Variants in GRID2 observed in about 807,000 individuals in gnomAD.
The protein encoded by GRID2 is glutamate ionotropic receptor delta type subunit 2, also known as glutamate receptor ionotropic, delta-2.
In GRID2, 33 loss-of-function variants were observed where a neutral mutation model predicts 114.8. That is an observed-to-expected ratio of 0.29 (90% CI 0.22 to 0.38). The LOEUF (loss-of-function observed/expected upper bound fraction) is 0.38, where lower values mean the gene tolerates loss of function less well. GRID2 is among the 10% of genes least tolerant of loss of function. The pLI is 1.00. For missense variants in GRID2, 1,184 were observed against 1,257.7 expected (o/e 0.94, Z 0.89); for synonymous variants, 505 against 449.9 (o/e 1.12, Z -1.55).
intron 2 of GRID2, among the ~76,000 whole-genome samples, chr4:92,918,756 T>G (rs576778739): frequency 6.6e-6 from 1 of 152,328 alleles, no homozygotes; most frequent in South Asian, 2.1e-4. Context: ...GGTTTGCCAG[T>G]ATTTTATTGA....
At chr4:92,655,252 T>C (rs191331795) in intron 2 of GRID2, among the ~76,000 whole-genome samples, 15 of 151,984 alleles carry the variant, frequency 9.9e-5, no homozygotes, top group Non-Finnish European at 2.1e-4. Flanking sequence ...TGTCAAACTT[T>C]ATACCAATAT....
chr4:92,602,732 G>A (rs187763881), intron 2 of GRID2, among the ~76,000 whole-genome samples: 1 of 152,126 alleles, frequency 6.6e-6, no homozygotes, highest in South Asian at 2.1e-4. Flanking sequence ...AGAAATAAAG[G>A]TTATTCAAAT....
At chr4:93,595,276 A>T (rs1026528766) in intron 13 of GRID2, among the ~76,000 whole-genome samples, 1 of 152,220 alleles carries the variant, frequency 6.6e-6, no homozygotes, top group Admixed American at 6.5e-5. Flanking sequence ...TATCGTGGGT[A>T]CATTGAGATT....
At chr4:92,918,277 T>C (rs1015387859) in intron 2 of GRID2, among the ~76,000 whole-genome samples, 4 of 152,200 alleles carry the variant, frequency 2.6e-5, no homozygotes, top group African/African-American at 9.6e-5. Context: ...TTTCTAGATA[T>C]ACAATCATGT....
intron 4 of GRID2, among the ~76,000 whole-genome samples, chr4:93,122,697 G>A (rs1399383569): frequency 6.6e-6 from 1 of 151,604 alleles, no homozygotes; most frequent in Non-Finnish European, 1.5e-5. Flanking sequence ...GCATGGAATT[G>A]TAAGAAAAAA....
chr4:93,080,851 T>A (rs1199043032), intron 2 of GRID2, among the ~76,000 whole-genome samples: 1 of 152,160 alleles, frequency 6.6e-6, no homozygotes, highest in Non-Finnish European at 1.5e-5. Flanking sequence ...GGCTGGGAAG[T>A]CAAGATCAAT....
intron 2 of GRID2, among the ~76,000 whole-genome samples, chr4:93,031,070 T>C (rs934947710): frequency 1.3e-4 from 18 of 143,782 alleles, no homozygotes; most frequent in Non-Finnish European, 2.4e-4. Flanking sequence ...GGAGTCTCGC[T>C]CTGTCGCCCA....
chr4:93,210,434 C>T (rs1394859615), intron 5 of GRID2, among the ~76,000 whole-genome samples: 1 of 152,026 alleles, frequency 6.6e-6, no homozygotes, highest in Non-Finnish European at 1.5e-5. Flanking sequence ...ATCTGTTCTG[C>T]TGCATTCATC....
intron 4 of GRID2, among the ~76,000 whole-genome samples, chr4:93,161,035 G>A (rs1737644369): frequency 6.6e-6 from 1 of 151,768 alleles, no homozygotes; most frequent in Non-Finnish European, 1.5e-5. Flanking sequence ...TCCATGTCAG[G>A]GCAGGTGAAG....
At chr4:92,872,745 G>C (rs1343433493) in intron 2 of GRID2, among the ~76,000 whole-genome samples, 2 of 152,178 alleles carry the variant, frequency 1.3e-5, no homozygotes, top group Non-Finnish European at 2.9e-5. Context: ...TGCTGGCACA[G>C]CTCAGTGACC....
At chr4:92,704,724 TC>T (rs1159713991) in intron 2 of GRID2, among the ~76,000 whole-genome samples, 2 of 105,792 alleles carry the variant, frequency 1.9e-5, no homozygotes. Context: ...TCTCTCTCTT[TC>T]TCTCTCTCTC....
chr4:92,413,101 A>G (rs1232558348), intron 1 of GRID2, among the ~76,000 whole-genome samples: 1 of 152,192 alleles, frequency 6.6e-6, no homozygotes, highest in Non-Finnish European at 1.5e-5. Context: ...TTACATGGAT[A>G]TATTGCATAG....
chr4:93,522,248 C>T (rs548793751), intron 13 of GRID2, among the ~76,000 whole-genome samples: 1 of 152,056 alleles, frequency 6.6e-6, no homozygotes, highest in Admixed American at 6.6e-5. Context: ...AAAGTCATCA[C>T]CAAAGTGTAA....
At chr4:93,474,787 T>C (rs764556064) in intron 11 of GRID2, among the ~76,000 whole-genome samples, 1 of 152,130 alleles carries the variant, frequency 6.6e-6, no homozygotes, top group Non-Finnish European at 1.5e-5. Flanking sequence ...TCTATGATAT[T>C]CACCTTGGGT....
intron 6 of GRID2, chr4:93,217,412 A>G (rs1302523455): frequency 6.6e-6 from 1 of 152,594 alleles, no homozygotes; most frequent in African/African-American, 2.4e-5. Flanking sequence ...TTCAGCATCC[A>G]GAATACAACA....
chr4:92,339,940 G>T (rs763167586), intron 1 of GRID2, among the ~76,000 whole-genome samples: 1 of 152,114 alleles, frequency 6.6e-6, no homozygotes, highest in East Asian at 1.9e-4. Flanking sequence ...TTAGGCTCAT[G>T]TTGAAAACAC....
At chr4:92,752,474 C>A (rs1177326342) in intron 2 of GRID2, among the ~76,000 whole-genome samples, 1 of 151,908 alleles carries the variant, frequency 6.6e-6, no homozygotes, top group African/African-American at 2.4e-5. Flanking sequence ...TAAGAGTGTA[C>A]AAAAGTCAAA....
intron 11 of GRID2, among the ~76,000 whole-genome samples, chr4:93,476,579 G>A (rs185383585): frequency 6.6e-5 from 10 of 152,206 alleles, no homozygotes; most frequent in Non-Finnish European, 2.9e-5. Flanking sequence ...AACCAGGAAA[G>A]AAAGAATGAG....
At chr4:92,744,906 AGC>A (rs2149334094) in intron 2 of GRID2, among the ~76,000 whole-genome samples, 1 of 152,270 alleles carries the variant, frequency 6.6e-6, no homozygotes, top group African/African-American at 2.4e-5. Context: ...AGTGCTTTGT[AGC>A]AAAGGGAAGG....
Sources: allele counts gnomAD v4.1 joint callset (sites outside exome capture counted in the v4.1 genomes callset), GRCh38; gene constraint gnomAD v4.1.1; transcripts MANE v1.5; gene names NCBI Gene and HGNC (gene_info 2026-07-23, HGNC 2026-07-21).